ANKH: variants seen among roughly 807,000 people sequenced by gnomAD.
ANKH encodes ANKH inorganic pyrophosphate transport regulator.
In ANKH, 15 loss-of-function variants were observed where a neutral mutation model predicts 49.0. That is an observed-to-expected ratio of 0.31 (90% CI 0.20 to 0.47). ANKH has a LOEUF of 0.47. Ranked by LOEUF, ANKH falls within the 20% of genes least tolerant of loss-of-function variation. The pLI is 1.00. For synonymous variants in ANKH, 273 were observed against 260.0 expected, an observed-to-expected ratio of 1.05 and a Z score of -0.48; for missense variants, 429 against 652.0, an observed-to-expected ratio of 0.66 and a Z score of 3.72.
chr5:14,842,740 A>G (rs1182076764), intron 1 of ANKH, among the ~76,000 whole-genome samples: 2 of 152,168 alleles, frequency 1.3e-5, no homozygotes, highest in African/African-American at 4.8e-5. Flanking sequence ...TCTTCTATCA[A>G]GCCCAAGTAT....
intron 8 of ANKH, among the ~76,000 whole-genome samples, chr5:14,724,847 G>A (rs990156488): frequency 3.3e-5 from 5 of 152,100 alleles, no homozygotes; most frequent in Admixed American, 1.3e-4. Context: ...CCAAGTGCTC[G>A]GGTCTTATTT....
At chr5:14,724,559 T>C (rs1737766369) in intron 8 of ANKH, 1 of 985,404 alleles carries the variant, frequency 1.0e-6, no homozygotes, top group Non-Finnish European at 1.2e-6. Context: ...TGGGTCTTAC[T>C]ATGCTACAGT....
In ANKH at chr5:14,729,804, G is replaced by A. The variant is rs1164734356; in HGVS notation, c.1011+12023C>T. 2.6e-5 allele frequency among the ~76,000 whole-genome samples: 4 copies of A among 152,190 alleles called. No individual in the cohort carries two copies. The East Asian group carries it at 7.7e-4, about 29-fold the overall frequency. On this transcript the variant is annotated intron_variant, in intron 8 of 11. Transcript: ENST00000284268. The stretch of plus-strand genomic sequence containing the variant: ...CTTCCCAGCAAGTGCACAGACAGGG[G>A]TTAGCTCAGTGTGTCCAAGAGAAAG...
chr5:14,736,579 C>T (rs1033466686), intron 8 of ANKH, among the ~76,000 whole-genome samples: 6 of 152,146 alleles, frequency 3.9e-5, no homozygotes, highest in African/African-American at 1.4e-4. Flanking sequence ...TGCCATTCTG[C>T]TCCAGTTTTC....
chr5:14,739,316 C>A (rs1738281770), intron 8 of ANKH, among the ~76,000 whole-genome samples: 1 of 152,098 alleles, frequency 6.6e-6, no homozygotes. Flanking sequence ...ACTTGGTAGG[C>A]TGAGGCAGAA....
chr5:14,838,289 G>A lies in ANKH; in HGVS notation c.96+33063C>T, dbSNP rs189787334. Among the ~76,000 whole-genome samples the A allele has an allele frequency of 6.7e-4, 102 of 151,420 alleles. 1 individual carries two copies. The highest frequency in any genetic ancestry group is 2.4e-3 in the Admixed American group (37 of 15,188). On this transcript the variant is annotated intron_variant, in intron 1 of 11. Transcript: ENST00000284268. ...ATAAAAAAATTACCTAACGCTAAAC[G>A]ACGAGTTAATGGGTGCAGCACACCA...
At chr5:14,827,869 C>A (rs1741388772) in intron 1 of ANKH, among the ~76,000 whole-genome samples, 2 of 152,232 alleles carry the variant, frequency 1.3e-5, no homozygotes, top group South Asian at 4.1e-4. Context: ...GGGACAATGC[C>A]ATAATCTGAA....
intron 8 of ANKH, among the ~76,000 whole-genome samples, chr5:14,738,074 G>C (rs1044437872): frequency 1.3e-5 from 2 of 152,184 alleles, no homozygotes; most frequent in African/African-American, 4.8e-5. Context: ...GAAGACATCT[G>C]CTGCTTTTCT....
Position 14,711,224 on chromosome 5 carries a change from G to A in ANKH, c.1452C>T (p.Ile484=), listed in dbSNP as rs374610746. Residue 484 remains isoleucine (I), a synonymous_variant, in exon 12 of 12, where the codon ATC becomes ATT. Transcript: ENST00000284268. ...ATTCATTCTCCTCTCTCATTTCCAC[G>A]ATGTCTGTCACCTCCTCTGTCGGAG... ...DMPPTEEVTD[I]VEMREENE 5.8e-5 allele frequency: 94 copies of A among 1,613,922 alleles called. No homozygotes were observed. The highest frequency in any genetic ancestry group is 4.3e-4 in the South Asian group (39 of 91,080).
intron 1 of ANKH, among the ~76,000 whole-genome samples, chr5:14,820,502 G>A (rs889984759): frequency 3.9e-5 from 6 of 152,138 alleles, no homozygotes; most frequent in African/African-American, 1.4e-4. Context: ...ACTGCTGGAT[G>A]GAAAACTACT....
At chr5:14,833,688 C>T (rs1247062987) in intron 1 of ANKH, among the ~76,000 whole-genome samples, 2 of 152,192 alleles carry the variant, frequency 1.3e-5, no homozygotes, top group Non-Finnish European at 2.9e-5. Flanking sequence ...GTGGACTGGC[C>T]AATGCTGGGC....
chr5:14,854,319 A>G lies in ANKH; in HGVS notation c.96+17033T>C, dbSNP rs552131340. Among the ~76,000 whole-genome samples, 72 of 152,310 alleles carry G rather than the reference A, an allele frequency of 4.7e-4. 1 individual carries two copies. Among genetic ancestry groups the G allele is most frequent in the African/African-American group, 1.2e-3 (49 of 41,556 alleles). On this transcript the variant is annotated intron_variant, in intron 1 of 11. Transcript: ENST00000284268. ...GGCAAGCAATTTAAAACATTTCACT[A>G]AATCTACTAACAAATTAACACGACT...
chr5:14,744,765 T>G (rs1489477333), intron 7 of ANKH, among the ~76,000 whole-genome samples: 1 of 152,152 alleles, frequency 6.6e-6, no homozygotes, highest in Non-Finnish European at 1.5e-5. Flanking sequence ...AGGTCCCTGC[T>G]CCGCAGGCCT....
At chr5:14,721,821 T>C (rs1181160518) in intron 8 of ANKH, among the ~76,000 whole-genome samples, 1 of 150,124 alleles carries the variant, frequency 6.7e-6, no homozygotes, top group Non-Finnish European at 1.5e-5. Context: ...TCCCAGCTAC[T>C]CGTGAGGCTG....
At chr5:14,784,952 G>A (rs1228003841) in intron 1 of ANKH, among the ~76,000 whole-genome samples, 2 of 152,118 alleles carry the variant, frequency 1.3e-5, no homozygotes, top group East Asian at 3.9e-4. Context: ...GCAGGACAGT[G>A]GACTGTGGAA....
chr5:14,726,331 G>A (rs1227584689), intron 8 of ANKH, among the ~76,000 whole-genome samples: 1 of 152,146 alleles, frequency 6.6e-6, no homozygotes, highest in Non-Finnish European at 1.5e-5. Context: ...GACAGTTCAC[G>A]AAGGGTTTCA....
intron 1 of ANKH, among the ~76,000 whole-genome samples, chr5:14,809,804 G>A (rs569991062): frequency 2.2e-4 from 33 of 152,028 alleles, no homozygotes; most frequent in South Asian, 1.0e-3. Flanking sequence ...CAGGAAGTGG[G>A]GTGATGACTC....
chr5:14,713,685 G>A lies in ANKH; in HGVS notation c.1142-18C>T, dbSNP rs1737328192. The A allele has an allele frequency of 1.9e-6, 3 of 1,613,112 alleles. No homozygotes were observed. The highest frequency in any genetic ancestry group is 3.3e-5 in the Admixed American group (2 of 59,996). ...CACTGTGACTGTTGGGAGGAGCAAA[G>A]GACTCGTCAGCCGTGCCCGCCATCC... On this transcript the variant is annotated intron_variant, in intron 9 of 11. Transcript: ENST00000284268. This position sits in a 1 kb window ranked among gnomAD's most constrained non-coding sequence, Gnocchi z 4.4.
chr5:14,827,246 A>G (rs969301915), intron 1 of ANKH, among the ~76,000 whole-genome samples: 5 of 152,190 alleles, frequency 3.3e-5, no homozygotes, highest in Admixed American at 6.5e-5. Flanking sequence ...AGTACTGCAT[A>G]TACATCTTAG....
Sources: gnomAD v4.1 joint callset for allele counts (sites outside exome capture counted in the v4.1 genomes callset) on GRCh38, gnomAD v4.1.1 for gene constraint, Gnocchi (gnomAD v3.1) non-coding constraint, MANE v1.5 for transcripts, NCBI Gene and HGNC (gene_info 2026-07-23, HGNC 2026-07-21) for gene names.